Variants in SLC27A6 observed in about 807,000 individuals in gnomAD.
SLC27A6 encodes the protein solute carrier family 27 member 6, also known as long-chain fatty acid transport protein 6.
In SLC27A6, 74 loss-of-function variants were observed where a neutral mutation model predicts 63.9. That is an observed-to-expected ratio of 1.16 (90% confidence interval 0.96 to 1.40). SLC27A6 has a LOEUF of 1.40. SLC27A6 is among the 40% of genes most tolerant of loss of function. SLC27A6 has a pLI of 0.00. For synonymous variants in SLC27A6, 287 were observed against 260.8 expected (o/e 1.10, Z -0.97); for missense variants, 794 against 732.9 (o/e 1.08, Z -0.96).
At chr5:128,980,488 A>G (rs1325486944) in intron 1 of SLC27A6, among the ~76,000 whole-genome samples, 1 of 152,136 alleles carries the variant, frequency 6.6e-6, no homozygotes, top group Non-Finnish European at 1.5e-5. Flanking sequence ...TGCTGAAACC[A>G]TATTTTTTTG....
intron 4 of SLC27A6, among the ~76,000 whole-genome samples, chr5:128,998,745 C>T (rs1172484289): frequency 6.6e-6 from 1 of 152,054 alleles, no homozygotes; most frequent in Non-Finnish European, 1.5e-5. Flanking sequence ...ATTGACTATT[C>T]CTTAAATTTT....
At chr5:129,019,743 T>C (rs1350800086) in intron 5 of SLC27A6, among the ~76,000 whole-genome samples, 5 of 151,884 alleles carry the variant, frequency 3.3e-5, no homozygotes, top group African/African-American at 9.7e-5. Context: ...TAAACGTTGT[T>C]AGGGAGAAAG....
intron 4 of SLC27A6, among the ~76,000 whole-genome samples, chr5:128,999,489 A>G (rs1009943502): frequency 2.6e-5 from 4 of 152,120 alleles, no homozygotes; most frequent in African/African-American, 4.8e-5. Flanking sequence ...AATACCGTCT[A>G]CAACTTAACT....
At chr5:129,014,816 A>T (rs7713086) in intron 4 of SLC27A6, among the ~76,000 whole-genome samples, 3,586 of 152,226 alleles carry the variant, frequency 0.024, 145 homozygotes, top group African/African-American at 0.082. Context: ...TCGAGTGCTA[A>T]CCTGCAGGCT....
chr5:128,994,465 A>C (rs1055890745), intron 4 of SLC27A6, among the ~76,000 whole-genome samples: 1 of 152,104 alleles, frequency 6.6e-6, no homozygotes, highest in African/African-American at 2.4e-5. Flanking sequence ...CTTCAAGGAG[A>C]TCTTACATTT....
At chr5:128,970,543 C>T (rs375785596) in intron 1 of SLC27A6, among the ~76,000 whole-genome samples, 16 of 152,200 alleles carry the variant, frequency 1.1e-4, no homozygotes, top group South Asian at 4.2e-4. Flanking sequence ...AGTTTATTTG[C>T]GTAGAGGTGT....
chr5:129,027,435 C>G (rs1752282876), intron 7 of SLC27A6, 104 bp downstream of exon 7: 1 of 803,210 alleles, frequency 1.2e-6, no homozygotes, highest in Non-Finnish European at 2.1e-6. Flanking sequence ...GCAGACAGAG[C>G]CCTTTTATCT....
At chr5:129,006,446 AGT>A (rs72056782) in intron 4 of SLC27A6, among the ~76,000 whole-genome samples, 10,747 of 144,032 alleles carry the variant, frequency 0.075, 459 homozygotes, top group African/African-American at 0.13. Flanking sequence ...TATATGCATG[AGT>A]GTGTGTGTGT....
At chr5:129,017,074 A>G (rs1393990496) in intron 5 of SLC27A6, among the ~76,000 whole-genome samples, 1 of 152,224 alleles carries the variant, frequency 6.6e-6, no homozygotes, top group Non-Finnish European at 1.5e-5. Context: ...ATAAATCTTC[A>G]GTAACCTTCT....
At chr5:128,987,765 G>C (rs2150135321) in intron 2 of SLC27A6, among the ~76,000 whole-genome samples, 1 of 151,996 alleles carries the variant, frequency 6.6e-6, no homozygotes, top group Admixed American at 6.6e-5. Context: ...AGAAAATCAA[G>C]AGTTCTAAAA....
chr5:129,023,756 C>A (rs750285129), intron 6 of SLC27A6, 46 bp downstream of exon 6: 1 of 1,333,038 alleles, frequency 7.5e-7, no homozygotes, highest in Non-Finnish European at 1.1e-6. Flanking sequence ...AGTTTCTGAT[C>A]TCCTGTATAC....
At chr5:128,986,081 G>A (rs1750775970) in intron 2 of SLC27A6, among the ~76,000 whole-genome samples, 1 of 152,154 alleles carries the variant, frequency 6.6e-6, no homozygotes, top group Non-Finnish European at 1.5e-5. Context: ...GGAGGCCAAG[G>A]CAGGAGGATT....
chr5:128,997,865 T>C (rs1321898754), intron 4 of SLC27A6, among the ~76,000 whole-genome samples: 4 of 152,174 alleles, frequency 2.6e-5, no homozygotes, highest in Non-Finnish European at 4.4e-5. Flanking sequence ...AATTCTTCTC[T>C]TTATATAAAA....
At position 129,015,879 on chromosome 5, in the gene SLC27A6, T is replaced by C; in HGVS notation, c.970-6T>C. 1 of 1,567,126 alleles carries C rather than the reference T, an allele frequency of 6.4e-7. No homozygotes were observed. The highest frequency in any genetic ancestry group is 8.6e-7 in the Non-Finnish European group (1 of 1,163,252). On this transcript the variant is annotated splice_region_variant and splice_polypyrimidine_tract_variant and intron_variant, in intron 4 of 9. Coordinates refer to ENST00000262462, the MANE Select transcript of SLC27A6 (RefSeq NM_001017372.3). ...TAATTACAAGTAAAACATTTTCTTC[T>C]AACAGAGAGAAGGAGAAAAGGATCA...
Position 128,966,080 on chromosome 5 carries a change from A to G in SLC27A6, c.-58A>G. 8 of 1,511,426 alleles carry G rather than the reference A, an allele frequency of 5.3e-6. No homozygotes were observed. The highest frequency in any genetic ancestry group is 7.1e-6 in the Non-Finnish European group (8 of 1,133,192). 93.6% of individuals were successfully genotyped at this position (1,511,426 alleles called of 1,614,324 possible). ...GGTCTCCGTGGAGAGCTGTGCCTGG[A>G]AGAGAAGGACGCTGGTGGGGGCTGA... On this transcript the variant is annotated 5_prime_UTR_variant, in exon 1 of 10. Transcript: ENST00000262462.
chr5:128,976,639 G>T (rs527910592), intron 1 of SLC27A6, among the ~76,000 whole-genome samples: 1 of 152,242 alleles, frequency 6.6e-6, no homozygotes, highest in South Asian at 2.1e-4. Flanking sequence ...AATTACAATG[G>T]CTTGATTGTT....
At chr5:128,998,756 C>T (rs905798345) in intron 4 of SLC27A6, among the ~76,000 whole-genome samples, 5 of 152,152 alleles carry the variant, frequency 3.3e-5, no homozygotes, top group African/African-American at 1.2e-4. Flanking sequence ...CTTAAATTTT[C>T]TATTCCTGAA....
chr5:129,017,987 A>G (rs1037513125), intron 5 of SLC27A6, among the ~76,000 whole-genome samples: 3 of 152,122 alleles, frequency 2.0e-5, no homozygotes, highest in Non-Finnish European at 4.4e-5. Flanking sequence ...ACCTGACGTA[A>G]TAGTGCAAGA....
intron 2 of SLC27A6, 96 bp from the exon 3 acceptor site, chr5:128,988,504 T>C: frequency 1.1e-6 from 1 of 944,804 alleles, no homozygotes; most frequent in Non-Finnish European, 1.6e-6. Flanking sequence ...TATCATCTTC[T>C]TTCTGTTACT....
Sources: gnomAD v4.1 joint callset for allele counts (sites outside exome capture counted in the v4.1 genomes callset) on GRCh38, gnomAD v4.1.1 for gene constraint, MANE v1.5 for transcripts, NCBI Gene and HGNC (gene_info 2026-07-23, HGNC 2026-07-21) for gene names.